ERCC6L2: variants seen among roughly 807,000 people sequenced by gnomAD.
The protein encoded by ERCC6L2 is DNA excision repair protein ERCC-6-like 2.
Under a neutral mutation model 132.0 loss-of-function variants are expected in ERCC6L2, and 77 were observed. The observed-to-expected ratio is 0.58, with a 90% CI of 0.49 to 0.71. The LOEUF is 0.71. Ranked by LOEUF, ERCC6L2 falls within the 30% of genes least tolerant of loss-of-function variation. The pLI, the probability that ERCC6L2 is intolerant of heterozygous loss-of-function variation, is 0.00. For missense variants in ERCC6L2, 1,542 were observed against 1,837.6 expected, an observed-to-expected ratio of 0.84 and a Z score of 2.94; for synonymous variants, 583 against 632.4, an observed-to-expected ratio of 0.92 and a Z score of 1.17.
At chr9:95,888,744 G>A (rs1431525105) in intron 2 of ERCC6L2, among the ~76,000 whole-genome samples, 4 of 152,170 alleles carry the variant, frequency 2.6e-5, no homozygotes, top group African/African-American at 7.2e-5. Context: ...GGTTCCGCCA[G>A]CAGAAATAAG....
At chr9:96,006,658 A>G (rs1487276685) in intron 18 of ERCC6L2, among the ~76,000 whole-genome samples, 2 of 152,172 alleles carry the variant, frequency 1.3e-5, no homozygotes, top group Non-Finnish European at 2.9e-5. Flanking sequence ...GTGAAAACAG[A>G]AAGAGGGAGG....
chr9:95,928,776 G>T lies in ERCC6L2; in HGVS notation c.1663G>T (p.Asp555Tyr), dbSNP rs1830211840. 1 of 1,613,218 alleles carries T rather than the reference G, an allele frequency of 6.2e-7. No individual in the cohort carries two copies. Among genetic ancestry groups the T allele is most frequent in the Admixed American group, 1.7e-5 (1 of 59,882 alleles). The change falls in exon 11 of 19, where the codon GAT becomes TAT. Residue 555 changes from aspartate (D) to tyrosine (Y), a missense_variant. By Grantham distance (160) the Asp-to-Tyr change is radical (BLOSUM62 -3). Coordinates refer to ENST00000653738, the MANE Select transcript of ERCC6L2 (RefSeq NM_020207.7). ...MASGLDYRRLDGSTKSEERLK... is the reference protein window; with the variant it reads ...MASGLDYRRLYGSTKSEERLK... The stretch of plus-strand genomic sequence containing the variant: ...GTCTGGGCTTGATTACCGACGACTT[G>T]ATGGAAGTACAAAATCAGAGGAAAG...
In ERCC6L2 at chr9:95,878,042, C is replaced by T. The variant is rs150325563; in HGVS notation, c.46+1958C>T. ...GAGATAGAGAATAATGGGTACCCTA[C>T]GCTAAATAGGTGGACTGGGAGCAGA... On this transcript the variant is annotated intron_variant, in intron 1 of 18. Transcript: ENST00000653738. 2.4e-4 allele frequency among the ~76,000 whole-genome samples: 36 copies of T among 152,216 alleles called. No homozygotes were observed. In the South Asian group the frequency reaches 4.3e-3, roughly 18 times the overall value.
chr9:95,900,020 C>T (rs1828687849), intron 3 of ERCC6L2, among the ~76,000 whole-genome samples: 1 of 151,930 alleles, frequency 6.6e-6, no homozygotes, highest in South Asian at 2.1e-4. Flanking sequence ...TGCTATTTAC[C>T]TTCTTCAGTT....
intron 12 of ERCC6L2, among the ~76,000 whole-genome samples, chr9:95,946,575 A>C (rs1336742623): frequency 6.6e-6 from 1 of 152,172 alleles, no homozygotes; most frequent in Non-Finnish European, 1.5e-5. Context: ...GGCTAAATAA[A>C]TATATAAATT....
At chr9:96,021,727 G>C (rs1050356605), downstream of ERCC6L2, 1 of 144,868 alleles carries the variant, frequency 6.9e-6, no homozygotes, top group African/African-American at 2.5e-5. The surrounding 1 kb of genome is among the most constrained non-coding windows in gnomAD (Gnocchi z 4.7). Context: ...GTCTCCACTG[G>C]ATCCCGCGCG....
downstream of ERCC6L2, among the ~76,000 whole-genome samples, chr9:96,022,046 C>T (rs1385193772): frequency 2.0e-5 from 3 of 152,178 alleles, no homozygotes; most frequent in Non-Finnish European, 4.4e-5. Context: ...CCACCTCCCT[C>T]CCGCCTCCGA....
chr9:95,897,563 A>G (rs888377949), intron 2 of ERCC6L2, among the ~76,000 whole-genome samples: 10 of 152,200 alleles, frequency 6.6e-5, no homozygotes, highest in African/African-American at 2.2e-4. Context: ...TTAGAAACAA[A>G]TAAGAAGGTA....
At chr9:96,002,974 T>G (rs966335150) in intron 17 of ERCC6L2, among the ~76,000 whole-genome samples, 2 of 152,294 alleles carry the variant, frequency 1.3e-5, no homozygotes, top group Non-Finnish European at 2.9e-5. Flanking sequence ...GTCTCTTAAC[T>G]TCCCTATTTT....
intron 6 of ERCC6L2, among the ~76,000 whole-genome samples, chr9:95,920,216 T>C (rs1258002072): frequency 6.6e-6 from 1 of 152,144 alleles, no homozygotes; most frequent in East Asian, 1.9e-4. Context: ...CTTGACTTCC[T>C]TTTCACTTCC....
At position 96,013,180 on chromosome 9, in the gene ERCC6L2, A is replaced by G. The variant is rs770894175; in HGVS notation, c.4630A>G (p.Thr1544Ala). Residue 1544 changes from threonine to alanine, a missense_variant, in exon 19 of 19, where the codon ACC (threonine) becomes GCC (alanine). Physicochemically the swap from Thr to Ala is moderately conservative, Grantham distance 58 (BLOSUM62 0). Transcript: ENST00000653738. Reference protein sequence around the residue: ...FSPSDTDENATNTQSTT With the variant: ...FSPSDTDENAANTQSTT ...CCCAAGTGATACAGATGAAAACGCA[A>G]CCAATACACAGAGTACCACATAAGC... 1.7e-5 allele frequency: 23 copies of G among 1,364,816 alleles called. No homozygotes were observed. The Admixed American group carries it at 1.7e-4, about 10-fold the overall frequency. 84.5% of individuals were successfully genotyped at this position (1,364,816 alleles called of 1,614,324 possible). A position where few individuals can be genotyped will look rare whatever the true frequency, so the allele number is the denominator to read the frequency against.
rs747031724 is a variant in ERCC6L2, at chr9:95,881,112, G to A, written c.290G>A (p.Arg97Gln). ...TTAGAAAAACCTTATTTCCCAAACC[G>A]AAAATTTCCATCATCTTCTGTTGCT... is the stretch of plus-strand genomic sequence containing the variant. ...EDLEKPYFPN[R>Q]KFPSSSVAFK... The change falls in exon 2 of 19, where the codon CGA becomes CAA. Residue 97 changes from arginine to glutamine, a missense_variant. Physicochemically the swap from Arg to Gln is conservative, Grantham distance 43. This residue lies in a region of ERCC6L2 where 153 missense variants were observed against 132.3 expected (regional missense o/e 1.16). Transcript: ENST00000653738. 12 of 1,613,088 alleles carry A rather than the reference G, an allele frequency of 7.4e-6. No individual in the cohort carries two copies. Among genetic ancestry groups the A allele is most frequent in the Admixed American group, 5.0e-5 (3 of 59,746 alleles).
chr9:95,927,019 ATACT>A (rs1830130099), intron 9 of ERCC6L2, among the ~76,000 whole-genome samples: 2 of 152,148 alleles, frequency 1.3e-5, no homozygotes, highest in African/African-American at 4.8e-5. Flanking sequence ...TTCAAATTAC[ATACT>A]TCATATAGAA....
intron 14 of ERCC6L2, chr9:95,966,976 A>G (rs1214295690): frequency 1.5e-5 from 4 of 266,860 alleles, no homozygotes; most frequent in African/African-American, 2.2e-5. Context: ...AATTTTAAAT[A>G]GGCAGAGAGA....
Position 96,013,200 on chromosome 9 carries a change from A to G in ERCC6L2, c.4650A>G (p.Thr1550=), listed in dbSNP as rs914856030. ...ACGCAACCAATACACAGAGTACCAC[A>G]TAAGCATATAAATGAATTACTGCAC... ...DENATNTQST[T] is the part of the protein sequence containing the mutation. The change falls in exon 19 of 19, where the codon ACA becomes ACG. Residue 1550 remains threonine, a synonymous_variant. Coordinates refer to ENST00000653738, the MANE Select transcript of ERCC6L2 (RefSeq NM_020207.7). 6 of 1,351,870 alleles carry G rather than the reference A, an allele frequency of 4.4e-6. No homozygotes were observed. Among genetic ancestry groups the G allele is most frequent in the Non-Finnish European group, 4.9e-6 (5 of 1,016,162 alleles). 83.7% of individuals were successfully genotyped at this position (1,351,870 alleles called of 1,614,324 possible). A position where few individuals can be genotyped will look rare whatever the true frequency, so the allele number is the denominator to read the frequency against.
intron 19 of ERCC6L2, among the ~76,000 whole-genome samples, chr9:96,025,406 C>T (rs950082527): frequency 6.6e-6 from 1 of 152,230 alleles, no homozygotes; most frequent in African/African-American, 2.4e-5. Flanking sequence ...TTTCTGTTAA[C>T]AGTGACACTG....
In ERCC6L2 at chr9:96,013,305, A is replaced by G. The variant is rs987700815; in HGVS notation, c.*102A>G. The G allele has an allele frequency of 2.0e-6, 2 of 1,025,506 alleles. No individual in the cohort carries two copies. 63.5% of individuals were successfully genotyped at this position (1,025,506 alleles called of 1,614,324 possible). On this transcript the variant is annotated 3_prime_UTR_variant, in exon 19 of 19. Transcript: ENST00000653738. The stretch of plus-strand genomic sequence containing the variant: ...ATCTTGAACACAGTTGTTGACATAT[A>G]TTTTTATTAAATTATTGCTTTAGGA...
At chr9:95,975,052 T>C (rs532799834) in intron 16 of ERCC6L2, among the ~76,000 whole-genome samples, 36 of 152,278 alleles carry the variant, frequency 2.4e-4, no homozygotes, top group African/African-American at 8.4e-4. Flanking sequence ...CTACCTCCAT[T>C]TGATTGCTGG....
intron 2 of ERCC6L2, among the ~76,000 whole-genome samples, chr9:95,887,240 C>A (rs868834894): frequency 6.6e-5 from 10 of 152,098 alleles, no homozygotes; most frequent in African/African-American, 1.9e-4. Flanking sequence ...AAAGAAGACT[C>A]CACAGGGAAA....
Sources: allele counts gnomAD v4.1 joint callset (sites outside exome capture counted in the v4.1 genomes callset), GRCh38; gene constraint gnomAD v4.1.1; regional missense constraint gnomAD v4.1.1; non-coding constraint Gnocchi (gnomAD v3.1); transcripts MANE v1.5; gene names NCBI Gene and HGNC (gene_info 2026-07-23, HGNC 2026-07-21).